The following ANKRD36B variants were observed in gnomAD, a reference collection of about 807,000 sequenced individuals.
ANKRD36B encodes ankyrin repeat domain-containing protein 36B.
A neutral mutation model predicts 135.7 loss-of-function variants in ANKRD36B; 37 were observed. The ratio of observed to expected loss-of-function variants is 0.27; its 90% confidence interval spans 0.21 to 0.36. The LOEUF is 0.36. ANKRD36B is among the 10% of genes least tolerant of loss of function. The pLI, the probability that ANKRD36B is intolerant of heterozygous loss-of-function variation, is 1.00. For synonymous variants in ANKRD36B, 179 were observed against 348.1 expected, an observed-to-expected ratio of 0.51 and a Z score of 5.41; for missense variants, 549 against 1,037.1, an observed-to-expected ratio of 0.53 and a Z score of 6.46.
intron 3 of ANKRD36B, among the ~76,000 whole-genome samples, chr2:97,584,632 A>T (rs560265665): frequency 7.1e-6 from 1 of 141,336 alleles, no homozygotes; most frequent in South Asian, 2.5e-4. Context: ...CTGATTAGAA[A>T]AAAAGTAATT....
At chr2:97,569,559 G>T (rs1310410097) in intron 6 of ANKRD36B, among the ~76,000 whole-genome samples, 2 of 151,580 alleles carry the variant, frequency 1.3e-5, no homozygotes, top group Admixed American at 6.6e-5. Context: ...GACTTTGGAT[G>T]ATTATGATGC....
chr2:97,578,191 C>T (rs2082347098), intron 5 of ANKRD36B, among the ~76,000 whole-genome samples: 1 of 152,030 alleles, frequency 6.6e-6, no homozygotes, highest in Non-Finnish European at 1.5e-5. Context: ...CAAGGTTCTG[C>T]TGTTTTGGAA....
At chr2:97,585,723 A>G (rs1316426438) in intron 1 of ANKRD36B, among the ~76,000 whole-genome samples, 2 of 152,254 alleles carry the variant, frequency 1.3e-5, no homozygotes, top group Admixed American at 1.3e-4. Flanking sequence ...ATGCTTACAT[A>G]AGAATCTATG....
At chr2:97,555,683 T>C (rs2080454659) in intron 12 of ANKRD36B, among the ~76,000 whole-genome samples, 1 of 151,944 alleles carries the variant, frequency 6.6e-6, no homozygotes, top group Non-Finnish European at 1.5e-5. Flanking sequence ...GCTCTTTAGC[T>C]TGCCTGATAA....
intron 6 of ANKRD36B, among the ~76,000 whole-genome samples, chr2:97,572,864 A>G (rs1226116461): frequency 1.3e-5 from 2 of 151,956 alleles, no homozygotes; most frequent in Admixed American, 6.6e-5. Context: ...ATTTTTCTCC[A>G]TGACATTATA....
rs1327425868 is a variant in ANKRD36B at position 97,589,596 on chromosome 2, A to G, written c.90T>C (p.Arg30=). The G allele has an allele frequency of 2.5e-6, 4 of 1,613,920 alleles. No homozygotes were observed. The South Asian group carries it at 4.4e-5, about 18-fold the overall frequency. Residue 30 remains arginine (R), a synonymous_variant, in exon 1 of 44, where the codon CGT becomes CGC. Coordinates refer to ENST00000359901, the MANE Select transcript of ANKRD36B (RefSeq NM_001393939.1). The part of the protein sequence containing the change: ...HLKRIHRAVL[R]GNLEKLKYLL... ...GGTACTTCAGTTTCTCCAGATTACC[A>G]CGTAAGACAGCTCTGTGGATCCTCT...
chr2:97,533,280 A>T lies in ANKRD36B; in HGVS notation c.2192-896T>A, dbSNP rs533878002. Among the ~76,000 whole-genome samples, 3 of 97,532 alleles carry T rather than the reference A, an allele frequency of 3.1e-5. 1 individual carries two copies. Among genetic ancestry groups the T allele is most frequent in the East Asian group, 2.3e-4 (1 of 4,398 alleles). The allele number at this position is 97,532 out of a possible 152,430, so 64.0% of individuals were successfully genotyped here. A position where few individuals can be genotyped will look rare whatever the true frequency, so the allele number is the denominator to read the frequency against. On this transcript the variant is annotated intron_variant, in intron 34 of 43. Transcript: ENST00000359901. ...TTATAACATATGTAGTTAAGGTTTC[A>T]AAAGTGAGATTATGTCTCAACTAAC...
At chr2:97,574,032 A>G (rs2082062554) in intron 6 of ANKRD36B, among the ~76,000 whole-genome samples, 1 of 152,226 alleles carries the variant, frequency 6.6e-6, no homozygotes, top group Non-Finnish European at 1.5e-5. Context: ...GCCAAAATTG[A>G]CACATGGGAT....
chr2:97,559,421 T>C (rs2080827517), intron 8 of ANKRD36B, among the ~76,000 whole-genome samples: 1 of 151,862 alleles, frequency 6.6e-6, no homozygotes, highest in African/African-American at 2.4e-5. Context: ...CCCTTTAACT[T>C]GCCCAATAAC....
intron 6 of ANKRD36B, among the ~76,000 whole-genome samples, chr2:97,561,235 A>G (rs13397880): frequency 0.075 from 11,423 of 151,968 alleles, 1,118 homozygotes; most frequent in African/African-American, 0.22. Context: ...ACATGCACCC[A>G]CATGTCTTTC....
intron 28 of ANKRD36B, 63 bp from the exon 29 acceptor site, chr2:97,540,292 C>T (rs1261820967): frequency 1.1e-6 from 1 of 896,306 alleles, no homozygotes; most frequent in African/African-American, 1.7e-5. Context: ...TTCATACATT[C>T]ATGCAGTGTT....
intron 5 of ANKRD36B, among the ~76,000 whole-genome samples, chr2:97,576,702 C>T (rs942814478): frequency 1.3e-5 from 2 of 151,246 alleles, no homozygotes; most frequent in African/African-American, 2.4e-5. Flanking sequence ...AGTCACCTTC[C>T]TGGCTCTTAC....
chr2:97,555,029 A>T, intron 14 of ANKRD36B, 31 bp downstream of exon 14: 1 of 1,608,166 alleles, frequency 6.2e-7, no homozygotes, highest in Non-Finnish European at 8.5e-7. Flanking sequence ...TCTGGACTGA[A>T]CATGACATTA....
At chr2:97,562,671 T>C (rs1386310346) in intron 6 of ANKRD36B, among the ~76,000 whole-genome samples, 1 of 152,058 alleles carries the variant, frequency 6.6e-6, no homozygotes, top group Non-Finnish European at 1.5e-5. Context: ...TCCATATTGG[T>C]GGACTTGATT....
intron 5 of ANKRD36B, among the ~76,000 whole-genome samples, chr2:97,577,181 C>T (rs2082290820): frequency 6.8e-6 from 1 of 147,892 alleles, no homozygotes; most frequent in African/African-American, 2.5e-5. Context: ...CTGGCTTGGG[C>T]TACCACTATT....
intron 16 of ANKRD36B, among the ~76,000 whole-genome samples, chr2:97,552,809 C>T (rs888341223): frequency 3.3e-5 from 5 of 151,830 alleles, no homozygotes; most frequent in Non-Finnish European, 5.9e-5. Flanking sequence ...TACGATGTGA[C>T]GTCTGTAAAA....
rs2082407792 is a variant in ANKRD36B at position 97,579,031 on chromosome 2, T to C, written c.570A>G (p.Ile190Met). The change falls in exon 5 of 44, where the codon ATA (isoleucine) becomes ATG (methionine). Residue 190 changes from isoleucine (I) to methionine (M), a missense_variant. By Grantham distance (10) the Ile-to-Met change is conservative. Coordinates refer to ENST00000359901, the MANE Select transcript of ANKRD36B (RefSeq NM_001393939.1). ...AIDYLGRSAL[I>M]LAVTLGEKDI... is the part of the protein sequence containing the mutation. ...CTTTTTCTCCAAGAGTAACAGCAAG[T>C]ATGAGGGCTGATCTAAAATAACAGA... The C allele has an allele frequency of 6.2e-7, 1 of 1,608,412 alleles. No individual in the cohort carries two copies.
At chr2:97,551,640 A>G (rs943782725) in intron 16 of ANKRD36B, among the ~76,000 whole-genome samples, 160 bp from the exon 17 acceptor site, 2 of 151,946 alleles carry the variant, frequency 1.3e-5, no homozygotes, top group Non-Finnish European at 2.9e-5. Flanking sequence ...TGACAGAAAT[A>G]CACTGAGAAA....
intron 20 of ANKRD36B, 59 bp downstream of exon 20, chr2:97,549,360 G>A: frequency 6.6e-7 from 1 of 1,508,752 alleles, no homozygotes. Flanking sequence ...TTTATTTGGG[G>A]AAGAGAACTT....
Sources: allele counts gnomAD v4.1 joint callset (sites outside exome capture counted in the v4.1 genomes callset), GRCh38; gene constraint gnomAD v4.1.1; transcripts MANE v1.5; gene names NCBI Gene and HGNC (gene_info 2026-07-23, HGNC 2026-07-21).